NAA15: variants seen among roughly 807,000 people sequenced by gnomAD.
The protein encoded by NAA15 is N-alpha-acetyltransferase 15, NatA auxiliary subunit.
Under a neutral mutation model 114.0 loss-of-function variants are expected in NAA15, and 34 were observed. The ratio of observed to expected loss-of-function variants is 0.30; its 90% CI spans 0.23 to 0.40. NAA15 has a LOEUF of 0.40. Among genes scored for constraint, NAA15 ranks in the 10% least tolerant of loss-of-function variants. The pLI, the probability that NAA15 is intolerant of heterozygous loss-of-function variation, is 1.00. For missense variants in NAA15, 658 were observed against 1,004.5 expected (o/e 0.66, Z 4.66); for synonymous variants, 340 against 338.0 (o/e 1.01, Z -0.06).
chr4:139,308,742 A>G (rs1438444530), intron 1 of NAA15, among the ~76,000 whole-genome samples: 2 of 152,010 alleles, frequency 1.3e-5, no homozygotes, highest in African/African-American at 4.8e-5. Context: ...CAGCCTCCCC[A>G]GTAGCTGGGA....
chr4:139,358,938 A>G (rs1213704593), intron 11 of NAA15, among the ~76,000 whole-genome samples: 1 of 151,906 alleles, frequency 6.6e-6, no homozygotes, highest in African/African-American at 2.4e-5. Flanking sequence ...AATATGGTGA[A>G]ACCCCATCTC....
intron 5 of NAA15, among the ~76,000 whole-genome samples, chr4:139,343,359 C>T (rs1257418431): frequency 1.3e-5 from 2 of 152,052 alleles, no homozygotes; most frequent in African/African-American, 4.8e-5. Context: ...TAATTAATCC[C>T]CAGCCCATAT....
chr4:139,321,807 T>C (rs1456853740), intron 1 of NAA15, among the ~76,000 whole-genome samples: 5 of 152,000 alleles, frequency 3.3e-5, no homozygotes, highest in Non-Finnish European at 5.9e-5. Flanking sequence ...TTTGTTGCCT[T>C]TGTGTTTTGC....
chr4:139,351,930 A>T (rs1447650308), intron 9 of NAA15, among the ~76,000 whole-genome samples: 3 of 148,518 alleles, frequency 2.0e-5, no homozygotes, highest in Middle Eastern at 3.5e-3. Flanking sequence ...CAGAAGCCAG[A>T]GTGTGCTTGT....
chr4:139,348,683 GTCTC>G (rs1007137019), intron 6 of NAA15, among the ~76,000 whole-genome samples: 3 of 152,134 alleles, frequency 2.0e-5, no homozygotes, highest in African/African-American at 4.8e-5. Flanking sequence ...TGAAACCACT[GTCTC>G]TCTCTCTTCA....
In NAA15 at chr4:139,370,130, T is replaced by G. The variant is rs185010614; in HGVS notation, c.1754-81T>G. The G allele has an allele frequency of 3.1e-4, 360 of 1,143,436 alleles. 1 individual carries two copies. The highest frequency in any genetic ancestry group is 6.6e-4 in the Admixed American group (19 of 28,826). The allele number at this position is 1,143,436 out of a possible 1,614,324, so 70.8% of individuals were successfully genotyped here. A position where few individuals can be genotyped will look rare whatever the true frequency, so the allele number is the denominator to read the frequency against. ...TCATGCAATATTTTTTAATGGAAGT[T>G]TGGTAGGATCAAATAATACTTAAAA... On this transcript the variant is annotated intron_variant, in intron 14 of 19. Transcript: ENST00000296543.
intron 17 of NAA15, 138 bp downstream of exon 17, chr4:139,378,992 CTTT>C: frequency 1.9e-6 from 1 of 520,016 alleles, no homozygotes; most frequent in Non-Finnish European, 3.3e-6. Context: ...AAAAGCAGGG[CTTT>C]TTTCTTTATG....
At chr4:139,367,085 A>G (rs1357665677) in intron 14 of NAA15, among the ~76,000 whole-genome samples, 2 of 152,142 alleles carry the variant, frequency 1.3e-5, no homozygotes, top group African/African-American at 4.8e-5. Context: ...TGACATTTCA[A>G]TTATAGTTCT....
At position 139,370,307 on chromosome 4, in the gene NAA15, A is replaced by G; in HGVS notation, c.1850A>G (p.Lys617Arg). 6.3e-7 allele frequency: 1 copy of G among 1,599,892 alleles called. No homozygotes were observed. The change falls in exon 15 of 20, where the codon AAA (lysine) becomes AGA (arginine). Residue 617 changes from lysine (K) to arginine (R), a missense_variant. Lys to Arg is a conservative substitution (Grantham distance 26, BLOSUM62 2). Transcript: ENST00000296543. ...GAAGAAGAGAAAAAAAATGCAGAAA[A>G]AGAAAAGCAGCAGAGAAATCAGAAA... is the stretch of plus-strand genomic sequence containing the variant. ...QIEEEKKNAE[K>R]EKQQRNQKKK...
chr4:139,321,471 G>GTTTTTT (rs909254599), intron 1 of NAA15, among the ~76,000 whole-genome samples: 2 of 113,238 alleles, frequency 1.8e-5, no homozygotes, highest in African/African-American at 3.4e-5. Flanking sequence ...GCCCTTATTT[G>GTTTTTT]TTTTTTTTTT....
chr4:139,370,332 AAAG>A lies in NAA15; in HGVS notation c.1882_1884del (p.Lys628del), dbSNP rs748893271. On this transcript the variant is annotated inframe_deletion, in exon 15 of 20. Coordinates refer to ENST00000296543, the MANE Select transcript of NAA15 (RefSeq NM_057175.5). ...AAGAAAAGCAGCAGAGAAATCAGAAAAAGAAGAAGGATGATGATGATGAGGAGA... is the reference window on the plus strand; with the variant it reads ...AAGAAAAGCAGCAGAGAAATCAGAAAAAGAAGGATGATGATGATGAGGAGA... 3 of 1,600,022 alleles carry A rather than the reference AAAG, an allele frequency of 1.9e-6. No individual in the cohort carries two copies. The highest frequency in any genetic ancestry group is 1.7e-5 in the Admixed American group (1 of 58,044).
chr4:139,385,691 G>C (rs989258620), intron 18 of NAA15, among the ~76,000 whole-genome samples: 1 of 152,154 alleles, frequency 6.6e-6, no homozygotes, highest in East Asian at 1.9e-4. Context: ...CTTAAGCCCA[G>C]CAGCTTTGTA....
intron 4 of NAA15, among the ~76,000 whole-genome samples, chr4:139,341,616 A>AG (rs1438230864): frequency 8.0e-5 from 12 of 150,312 alleles, no homozygotes; most frequent in African/African-American, 2.0e-4. Context: ...AAAAAAAAAA[A>AG]AAAGAAAATC....
intron 1 of NAA15, among the ~76,000 whole-genome samples, chr4:139,329,020 C>T (rs1746903913): frequency 6.6e-6 from 1 of 151,748 alleles, no homozygotes; most frequent in Non-Finnish European, 1.5e-5. Flanking sequence ...TAGGTGTGCG[C>T]CACCATGCCT....
chr4:139,357,173 TGAAAGGGATTG>T (rs1747983925), intron 10 of NAA15, among the ~76,000 whole-genome samples: 8 of 152,322 alleles, frequency 5.3e-5, no homozygotes, highest in Non-Finnish European at 1.2e-4. Flanking sequence ...AGTTATTATA[TGAAAGGGATTG>T]TGCTAGGGGT....
At chr4:139,315,003 T>TG (rs1560952750) in intron 1 of NAA15, among the ~76,000 whole-genome samples, 1 of 79,350 alleles carries the variant, frequency 1.3e-5, no homozygotes, top group African/African-American at 7.5e-5. Flanking sequence ...CAGTTCAGTT[T>TG]AGTTTAGGTT....
Position 139,361,880 on chromosome 4 carries a change from T to G in NAA15, c.1696T>G (p.Leu566Val), listed in dbSNP as rs374017518. 5.7e-5 allele frequency: 92 copies of G among 1,613,638 alleles called. No homozygotes were observed. Among genetic ancestry groups the G allele is most frequent in the Non-Finnish European group, 7.5e-5 (88 of 1,179,820 alleles). The change falls in exon 14 of 20, where the codon TTG (leucine) becomes GTG (valine). Residue 566 changes from leucine to valine, a missense_variant. Leu to Val is a conservative substitution (Grantham distance 32, BLOSUM62 1). Transcript: ENST00000296543. ...AGCAAGAATTGCTATAGAGATCTATTTGAAGCTTCATGACAACCCCCTTAC... is the reference window on the plus strand; with the variant it reads ...AGCAAGAATTGCTATAGAGATCTATGTGAAGCTTCATGACAACCCCCTTAC... ...KAARIAIEIY[L>V]KLHDNPLTDE...
At chr4:139,387,485 G>A (rs1368561394) in intron 19 of NAA15, among the ~76,000 whole-genome samples, 1 of 152,128 alleles carries the variant, frequency 6.6e-6, no homozygotes, top group East Asian at 1.9e-4. Flanking sequence ...ATATTAGAAG[G>A]CATATGTGCA....
Position 139,331,061 on chromosome 4 carries a change from C to T in NAA15, c.55-3113C>T, listed in dbSNP as rs544900509. On this transcript the variant is annotated intron_variant, in intron 1 of 19. Coordinates refer to ENST00000296543, the MANE Select transcript of NAA15 (RefSeq NM_057175.5). ...AAATTTATATCAATGTATTCTGGCA[C>T]GAATTGTATCTTTTAGAGCACTTTT... 1.3e-4 allele frequency among the ~76,000 whole-genome samples: 20 copies of T among 152,050 alleles called. No homozygotes were observed. In the South Asian group the frequency reaches 2.5e-3, roughly 19 times the overall value.
Sources: gnomAD v4.1 joint callset for allele counts (sites outside exome capture counted in the v4.1 genomes callset) on GRCh38, gnomAD v4.1.1 for gene constraint, MANE v1.5 for transcripts, NCBI Gene and HGNC (gene_info 2026-07-23, HGNC 2026-07-21) for gene names.